The following ZNF236 variants were observed in gnomAD, a reference collection of about 807,000 sequenced individuals.
ZNF236 encodes the protein regulated by glucose.
In ZNF236, 50 loss-of-function variants were observed where a neutral mutation model predicts 191.2. That is an observed-to-expected ratio of 0.26 (90% CI 0.21 to 0.33). The LOEUF is 0.33. ZNF236 is among the 10% of genes least tolerant of loss of function. ZNF236 has a pLI of 1.00. For synonymous variants in ZNF236, 907 were observed against 928.8 expected (o/e 0.98, Z 0.43); for missense variants, 1,754 against 2,374.5 (o/e 0.74, Z 5.43).
intron 1 of ZNF236, 138 bp from the exon 2 acceptor site, chr18:76,849,388 A>G (rs1975791552): frequency 1.7e-6 from 1 of 603,900 alleles, no homozygotes; most frequent in Non-Finnish European, 2.7e-6. Flanking sequence ...AAAATTCAGT[A>G]TATCATTAAT....
chr18:76,926,934 G>A (rs1021890753), intron 22 of ZNF236, 103 bp from the exon 23 acceptor site: 4 of 1,349,708 alleles, frequency 3.0e-6, no homozygotes, highest in South Asian at 1.4e-5. Flanking sequence ...GACATAATGT[G>A]TACAACTTAT....
In ZNF236 at chr18:76,899,109, C is replaced by T. The variant is rs371126013; in HGVS notation, c.1781C>T (p.Thr594Met). 15 of 1,613,988 alleles carry T rather than the reference C, an allele frequency of 9.3e-6. No homozygotes were observed. The highest frequency in any genetic ancestry group is 1.1e-5 in the Non-Finnish European group (13 of 1,180,018). The change falls in exon 11 of 31, where the codon ACG becomes ATG. Residue 594 changes from threonine (T) to methionine (M), a missense_variant. Thr to Met is a moderately conservative substitution (Grantham distance 81). Coordinates refer to ENST00000320610, the MANE Select transcript of ZNF236 (RefSeq NM_001306089.2). Reference protein sequence around the residue: ...KTHIASHFKHTELRKMRHQRK... With the variant: ...KTHIASHFKHMELRKMRHQRK... Reference sequence around the variant, plus strand: ...CACATTGCTTCCCACTTTAAACATACGGAATTAAGGAAAATGAGGCACCAG... The same window carrying T: ...CACATTGCTTCCCACTTTAAACATATGGAATTAAGGAAAATGAGGCACCAG...
At chr18:76,952,357 T>C (rs9950554) in intron 27 of ZNF236, among the ~76,000 whole-genome samples, 7,295 of 152,330 alleles carry the variant, frequency 0.048, 309 homozygotes, top group African/African-American at 0.11. Context: ...GTTTTAATCA[T>C]GGTCTAATTT....
intron 1 of ZNF236, among the ~76,000 whole-genome samples, chr18:76,825,083 C>T (rs1455545577): frequency 6.6e-6 from 1 of 152,224 alleles, no homozygotes; most frequent in Non-Finnish European, 1.5e-5. Flanking sequence ...TTTCCTTGCT[C>T]TGGCATGCAG....
In ZNF236 at chr18:76,927,135, C is replaced by G. The variant is rs1261197144; in HGVS notation, c.4126C>G (p.Gln1376Glu). The G allele has an allele frequency of 6.2e-7, 1 of 1,613,956 alleles. No individual in the cohort carries two copies. The highest frequency in any genetic ancestry group is 8.5e-7 in the Non-Finnish European group (1 of 1,180,018). Residue 1376 changes from glutamine to glutamate, a missense_variant, in exon 23 of 31, where the codon CAG becomes GAG. Transcript: ENST00000320610. This position sits in a 1 kb window ranked among gnomAD's most constrained non-coding sequence, Gnocchi z 5.4. ...LAANLVGPNVQISGIDAASIN... is the reference protein window; with the variant it reads ...LAANLVGPNVEISGIDAASIN... The stretch of plus-strand genomic sequence containing the variant: ...TGCTAACTTGGTTGGACCAAATGTA[C>G]AGATTTCTGGAATCGATGCTGCCAG...
chr18:76,851,943 A>G lies in ZNF236; in HGVS notation c.363+4A>G. The G allele has an allele frequency of 6.2e-7, 1 of 1,603,092 alleles. No homozygotes were observed. The highest frequency in any genetic ancestry group is 8.5e-7 in the Non-Finnish European group (1 of 1,174,494). On this transcript the variant is annotated splice_donor_region_variant and intron_variant, in intron 3 of 30. Transcript: ENST00000320610. ...TATGCTACATGAAAAGGAAGAGGTAATCATCATCATTTTGCATATACTTTG... is the reference window on the plus strand; with the variant it reads ...TATGCTACATGAAAAGGAAGAGGTAGTCATCATCATTTTGCATATACTTTG...
chr18:76,968,444 C>A lies in ZNF236; in HGVS notation c.*105C>A. On this transcript the variant is annotated 3_prime_UTR_variant, in exon 31 of 31. Coordinates refer to ENST00000320610, the MANE Select transcript of ZNF236 (RefSeq NM_001306089.2). ...AAAGCTTCAAGTGTTAAAAATGCTA[C>A]AATAGTTTTTTATCTATAAAATTAT... The A allele has an allele frequency of 2.7e-6, 4 of 1,506,910 alleles. No homozygotes were observed. Among genetic ancestry groups the A allele is most frequent in the Admixed American group, 2.6e-5 (1 of 38,554 alleles). 93.3% of individuals were successfully genotyped at this position (1,506,910 alleles called of 1,614,324 possible).
intron 30 of ZNF236, among the ~76,000 whole-genome samples, chr18:76,961,121 T>A (rs1968656280): frequency 6.6e-6 from 1 of 152,220 alleles, no homozygotes; most frequent in Non-Finnish European, 1.5e-5. Context: ...CAGTGTACAC[T>A]GCACCCTATT....
intron 1 of ZNF236, among the ~76,000 whole-genome samples, chr18:76,827,722 G>T (rs539751392): frequency 1.3e-5 from 2 of 152,226 alleles, no homozygotes; most frequent in East Asian, 3.9e-4. Context: ...TAGTCAGGAC[G>T]TGAGAAGTGA....
chr18:76,929,079 T>C (rs1404166588), intron 25 of ZNF236, among the ~76,000 whole-genome samples: 1 of 148,744 alleles, frequency 6.7e-6, no homozygotes, highest in African/African-American at 2.5e-5. Context: ...GACTCAACCA[T>C]GAAGGGCAGG....
chr18:76,923,802 C>G (rs967504342), intron 21 of ZNF236, among the ~76,000 whole-genome samples: 1 of 152,020 alleles, frequency 6.6e-6, no homozygotes, highest in Non-Finnish European at 1.5e-5. Context: ...AATAGTTGTA[C>G]CTCCGTCTTT....
chr18:76,901,676 T>G (rs1055461098), intron 11 of ZNF236, among the ~76,000 whole-genome samples: 1 of 151,996 alleles, frequency 6.6e-6, no homozygotes, highest in Non-Finnish European at 1.5e-5. Context: ...GAGAATGGCT[T>G]GAACCCAGGA....
chr18:76,848,070 G>A (rs897562359), intron 1 of ZNF236, among the ~76,000 whole-genome samples: 2 of 152,118 alleles, frequency 1.3e-5, no homozygotes, highest in African/African-American at 2.4e-5. Flanking sequence ...CCTCCCATGT[G>A]GGCTTCACCT....
intron 1 of ZNF236, among the ~76,000 whole-genome samples, chr18:76,824,959 T>C (rs1974975294): frequency 6.6e-6 from 1 of 152,204 alleles, no homozygotes; most frequent in Admixed American, 6.5e-5. Context: ...ACTTGTTAAA[T>C]GTAAATCAGA....
chr18:76,834,491 G>A lies in ZNF236; in HGVS notation c.55+11829G>A, dbSNP rs190588372. On this transcript the variant is annotated intron_variant, in intron 1 of 30. Coordinates refer to ENST00000320610, the MANE Select transcript of ZNF236 (RefSeq NM_001306089.2). ...TTGCCCTTTTACTTTTCTACTTGGC[G>A]AGATTTGGCTTTCCGTTCAAGGAGC... The A allele has an allele frequency of 2.9e-4, 124 of 424,760 alleles. 1 individual carries two copies. In the East Asian group the frequency reaches 6.0e-3, roughly 20 times the overall value. The allele number at this position is 424,760 out of a possible 1,614,324, so 26.3% of individuals were successfully genotyped here. A position where few individuals can be genotyped will look rare whatever the true frequency, so the allele number is the denominator to read the frequency against.
At chr18:76,870,437 A>C (rs1976548559) in intron 4 of ZNF236, among the ~76,000 whole-genome samples, 1 of 152,190 alleles carries the variant, frequency 6.6e-6, no homozygotes, top group Admixed American at 6.6e-5. Context: ...GAAGATGTTT[A>C]GGTGCTTGTG....
At chr18:76,918,974 C>T (rs1157023310) in intron 19 of ZNF236, among the ~76,000 whole-genome samples, 1 of 152,126 alleles carries the variant, frequency 6.6e-6, no homozygotes, top group Admixed American at 6.6e-5. Flanking sequence ...GAGGGCCAAC[C>T]ACATATATTT....
rs1976677072 is a variant in ZNF236, at chr18:76,875,095, G to A, written c.668-397G>A. On this transcript the variant is annotated intron_variant, in intron 5 of 30. Coordinates refer to ENST00000320610, the MANE Select transcript of ZNF236 (RefSeq NM_001306089.2). The surrounding 1 kb of genome is among the most constrained non-coding windows in gnomAD (Gnocchi z 4.3). Reference sequence around the variant, plus strand: ...CAGGAGCTTTGAGTGATAGGGGAGTGCCTTACCCTGGGGTGGTGGTTGTGG... The same window carrying A: ...CAGGAGCTTTGAGTGATAGGGGAGTACCTTACCCTGGGGTGGTGGTTGTGG... 6.6e-6 allele frequency among the ~76,000 whole-genome samples: 1 copy of A among 152,178 alleles called. No individual in the cohort carries two copies. The highest frequency in any genetic ancestry group is 1.5e-5 in the Non-Finnish European group (1 of 68,024).
At chr18:76,827,946 G>A (rs145381795) in intron 1 of ZNF236, among the ~76,000 whole-genome samples, 1 of 152,176 alleles carries the variant, frequency 6.6e-6, no homozygotes, top group East Asian at 1.9e-4. Flanking sequence ...TTTTTAGCTT[G>A]CCCCTTTAGT....
Sources: gnomAD v4.1 joint callset for allele counts (sites outside exome capture counted in the v4.1 genomes callset) on GRCh38, gnomAD v4.1.1 for gene constraint, Gnocchi (gnomAD v3.1) non-coding constraint, MANE v1.5 for transcripts, NCBI Gene and HGNC (gene_info 2026-07-23, HGNC 2026-07-21) for gene names.